The following SIPA1L3 variants were observed in gnomAD, a reference collection of about 807,000 sequenced individuals.
The protein encoded by SIPA1L3 is signal-induced proliferation-associated 1-like protein 3.
Under a neutral mutation model 150.1 loss-of-function variants are expected in SIPA1L3, and 59 were observed. The observed-to-expected ratio is 0.39, with a 90% CI of 0.32 to 0.49. The LOEUF is 0.49. Among genes scored for constraint, SIPA1L3 ranks in the 20% least tolerant of loss-of-function variants. SIPA1L3 has a pLI of 0.86. For synonymous variants in SIPA1L3, 1,070 were observed against 1,077.6 expected, an observed-to-expected ratio of 0.99 and a Z score of 0.14; for missense variants, 2,211 against 2,489.5, an observed-to-expected ratio of 0.89 and a Z score of 2.38.
intron 16 of SIPA1L3, chr19:38,185,489 T>C (rs1972658482): frequency 1.4e-5 from 2 of 146,098 alleles, no homozygotes; most frequent in Admixed American, 1.4e-4. Flanking sequence ...TGCCCACCCA[T>C]GTTAATTTGC....
intron 1 of SIPA1L3, among the ~76,000 whole-genome samples, chr19:37,959,519 G>A (rs2046838723): frequency 6.6e-6 from 1 of 152,208 alleles, no homozygotes; most frequent in African/African-American, 2.4e-5. Context: ...GGCTGGGGAT[G>A]CTGTGAACAG....
At chr19:38,064,467 C>T (rs1205090604) in intron 2 of SIPA1L3, among the ~76,000 whole-genome samples, 3 of 152,234 alleles carry the variant, frequency 2.0e-5, no homozygotes, top group East Asian at 1.9e-4. Flanking sequence ...GAGGCCGAGG[C>T]GGGCAGATCA....
At chr19:37,925,296 T>C (rs1196142170) in intron 1 of SIPA1L3, among the ~76,000 whole-genome samples, 2 of 152,164 alleles carry the variant, frequency 1.3e-5, no homozygotes, top group Admixed American at 6.6e-5. Context: ...ATGCAACACA[T>C]GACTGCGTTA....
At chr19:37,972,016 A>G (rs1966952861) in intron 1 of SIPA1L3, among the ~76,000 whole-genome samples, 1 of 152,158 alleles carries the variant, frequency 6.6e-6, no homozygotes, top group African/African-American at 2.4e-5. Context: ...TCCACGTTTT[A>G]GCTATTATGA....
intron 10 of SIPA1L3, among the ~76,000 whole-genome samples, chr19:38,133,995 T>C (rs1452516218): frequency 1.3e-5 from 2 of 151,972 alleles, no homozygotes; most frequent in Non-Finnish European, 2.9e-5. Flanking sequence ...AATTTTTTTT[T>C]TTTTTGAGAC....
rs146812141 is a variant in SIPA1L3 at position 38,082,627 on chromosome 19, G to C, written c.1062G>C (p.Glu354Asp). 2,092 of 1,605,218 alleles carry C rather than the reference G, an allele frequency of 1.3e-3. 4 individuals carry two copies. Among genetic ancestry groups the C allele is most frequent in the Non-Finnish European group, 1.4e-3 (1,613 of 1,179,756 alleles). The stretch of plus-strand genomic sequence containing the variant: ...AGAGCATGCTGTTCGACCTCAACGA[G>C]GCGGCCGCCAACAGGGTGTCGGTGT... ...DVQSMLFDLN[E>D]AAANRVSVSQ... is the part of the protein sequence containing the mutation. Residue 354 changes from glutamate (E) to aspartate (D), a missense_variant, in exon 3 of 22, where the codon GAG becomes GAC. This residue lies in a region of SIPA1L3 where 587 missense variants were observed against 534.5 expected (regional missense o/e 1.10). Coordinates refer to ENST00000222345, the MANE Select transcript of SIPA1L3 (RefSeq NM_015073.3).
chr19:37,942,267 A>C (rs1471058861), intron 1 of SIPA1L3, among the ~76,000 whole-genome samples: 2 of 151,992 alleles, frequency 1.3e-5, no homozygotes, highest in Non-Finnish European at 2.9e-5. Flanking sequence ...ATGGGGATGA[A>C]TAATGCTGTG....
In SIPA1L3 at chr19:38,206,311, C is replaced by A; in HGVS notation, c.*71C>A. The A allele has an allele frequency of 6.8e-7, 1 of 1,469,198 alleles. No individual in the cohort carries two copies. Among genetic ancestry groups the A allele is most frequent in the South Asian group, 1.4e-5 (1 of 72,174 alleles). 91.0% of individuals were successfully genotyped at this position (1,469,198 alleles called of 1,614,324 possible). ...GCCCTGCTGCCTCTCTCCCTCCACT[C>A]AGCTCCCAGCTGCCGGTGTGACCAA... is the stretch of plus-strand genomic sequence containing the variant. On this transcript the variant is annotated 3_prime_UTR_variant, in exon 22 of 22. Transcript: ENST00000222345.
chr19:38,088,478 T>G (rs1460977992), intron 3 of SIPA1L3, among the ~76,000 whole-genome samples: 1 of 152,250 alleles, frequency 6.6e-6, no homozygotes, highest in Non-Finnish European at 1.5e-5. Flanking sequence ...TCCTGTTTTC[T>G]CAGATGAGAG....
chr19:37,927,548 G>A (rs1679312737), intron 1 of SIPA1L3, among the ~76,000 whole-genome samples: 1 of 150,254 alleles, frequency 6.7e-6, no homozygotes, highest in African/African-American at 2.5e-5. Flanking sequence ...GTGTGTGTGT[G>A]TGTGTGTGTG....
intron 6 of SIPA1L3, among the ~76,000 whole-genome samples, chr19:38,103,351 G>A (rs1394642814): frequency 6.6e-6 from 1 of 152,030 alleles, no homozygotes; most frequent in African/African-American, 2.4e-5. Flanking sequence ...ATGGGGCTGG[G>A]CGCAATGGCC....
chr19:37,956,482 G>GTTTTTTTTTTTTTTTTTTTTTTTTT lies in SIPA1L3; in HGVS notation c.-379+49128_-379+49129insTTTTTTTTTTTTTTTTTTTTTTTTT. Among the ~76,000 whole-genome samples, 2 of 126,882 alleles carry GTTTTTTTTTTTTTTTTTTTTTTTTT rather than the reference G, an allele frequency of 1.6e-5. 1 individual carries two copies. Among genetic ancestry groups the GTTTTTTTTTTTTTTTTTTTTTTTTT allele is most frequent in the Non-Finnish European group, 3.4e-5 (2 of 59,196 alleles). The allele number at this position is 126,882 out of a possible 152,430, so 83.2% of individuals were successfully genotyped here. A position where few individuals can be genotyped will look rare whatever the true frequency, so the allele number is the denominator to read the frequency against. On this transcript the variant is annotated intron_variant, in intron 1 of 21. Coordinates refer to ENST00000222345, the MANE Select transcript of SIPA1L3 (RefSeq NM_015073.3). ...TAGTCATGCCTTTGGAAGTATAAAA[G>GTTTTTTTTTTTTTTTTTTTTTTTTT]TTTTGTTTTTTTTTTTTTTTGAGAC...
chr19:38,116,013 G>A (rs1432221692), intron 8 of SIPA1L3, among the ~76,000 whole-genome samples: 1 of 151,960 alleles, frequency 6.6e-6, no homozygotes, highest in Non-Finnish European at 1.5e-5. Flanking sequence ...ACAAAACCTG[G>A]GCAAGCATGA....
At chr19:38,044,718 G>A (rs150885451) in intron 2 of SIPA1L3, among the ~76,000 whole-genome samples, 1 of 152,286 alleles carries the variant, frequency 6.6e-6, no homozygotes, top group East Asian at 1.9e-4. Context: ...AGGTTAGAAC[G>A]CAGAGGAGCC....
chr19:37,928,698 G>A (rs192482358), intron 1 of SIPA1L3, among the ~76,000 whole-genome samples: 122 of 152,350 alleles, frequency 8.0e-4, no homozygotes, highest in Middle Eastern at 3.4e-3. Context: ...TTGAGAATTT[G>A]CATTTTGTGG....
chr19:38,105,631 T>TA (rs1970605491), intron 6 of SIPA1L3, among the ~76,000 whole-genome samples: 1 of 152,248 alleles, frequency 6.6e-6, no homozygotes, highest in South Asian at 2.1e-4. Context: ...CCCTGACTGG[T>TA]ATAATCTGAC....
chr19:38,201,922 C>A lies in SIPA1L3; in HGVS notation c.5045C>A (p.Pro1682His). 1 of 1,614,100 alleles carries A rather than the reference C, an allele frequency of 6.2e-7. No individual in the cohort carries two copies. Among genetic ancestry groups the A allele is most frequent in the Non-Finnish European group, 8.5e-7 (1 of 1,180,000 alleles). The part of the protein sequence containing the change: ...NDPALSPDIP[P>H]AHSPVHSHLS... The stretch of plus-strand genomic sequence containing the variant: ...CCGGCCCTGAGCCCGGACATCCCGC[C>A]TGCACACAGTCCTGTCCACAGCCAC... The change falls in exon 20 of 22, where the codon CCT becomes CAT. Residue 1682 changes from proline to histidine, a missense_variant. This residue lies in a region of SIPA1L3 where 806 missense variants were observed against 870.1 expected (regional missense o/e 0.93). Transcript: ENST00000222345.
intron 4 of SIPA1L3, 100 bp downstream of exon 4, chr19:38,088,951 A>G (rs1970202017): frequency 5.9e-6 from 8 of 1,359,198 alleles, no homozygotes; most frequent in Non-Finnish European, 8.2e-6. Flanking sequence ...ATCTCATGGA[A>G]TCCTCCCAAC....
chr19:37,928,060 T>C (rs2046522113), intron 1 of SIPA1L3, among the ~76,000 whole-genome samples: 1 of 152,152 alleles, frequency 6.6e-6, no homozygotes, highest in African/African-American at 2.4e-5. Flanking sequence ...TGGTTCCTTT[T>C]CCTTTGGGTA....
Sources: allele counts gnomAD v4.1 joint callset (sites outside exome capture counted in the v4.1 genomes callset), GRCh38; gene constraint gnomAD v4.1.1; regional missense constraint gnomAD v4.1.1; transcripts MANE v1.5; gene names NCBI Gene and HGNC (gene_info 2026-07-23, HGNC 2026-07-21).